Variants in ACACB observed in about 807,000 individuals in gnomAD.
ACACB encodes acetyl-CoA carboxylase beta.
In ACACB, 209 loss-of-function variants were observed where a neutral mutation model predicts 278.8. The observed-to-expected ratio is 0.75, with a 90% confidence interval of 0.67 to 0.84. The LOEUF (loss-of-function observed/expected upper bound fraction) is 0.84. ACACB is among the 40% of genes least tolerant of loss of function. The pLI is 0.00. For synonymous variants in ACACB, 1,174 were observed against 1,285.6 expected, an observed-to-expected ratio of 0.91 and a Z score of 1.86; for missense variants, 2,850 against 3,269.0, an observed-to-expected ratio of 0.87 and a Z score of 3.13.
chr12:109,205,255 C>T (rs1019271651), intron 19 of ACACB, among the ~76,000 whole-genome samples: 1 of 152,200 alleles, frequency 6.6e-6, no homozygotes, highest in Non-Finnish European at 1.5e-5. Context: ...TTTCAGCACA[C>T]ATTTCCTGTG....
intron 19 of ACACB, among the ~76,000 whole-genome samples, chr12:109,206,428 C>CAAAAAAAAAAAAAAAAAA (rs35315851): frequency 1.4e-3 from 122 of 89,654 alleles, no homozygotes; most frequent in Non-Finnish European, 1.7e-3. Flanking sequence ...GCGAGTGTCT[C>CAAAAAAAAAAAAAAAAAA]AAAAAAAAAA....
chr12:109,209,844 C>T (rs1470770780), intron 21 of ACACB, among the ~76,000 whole-genome samples: 1 of 138,834 alleles, frequency 7.2e-6, no homozygotes, highest in South Asian at 2.2e-4. Flanking sequence ...CATACACACA[C>T]GTGTGTATAT....
chr12:109,173,041 G>A (rs773170311), intron 6 of ACACB, among the ~76,000 whole-genome samples: 10 of 152,256 alleles, frequency 6.6e-5, no homozygotes, highest in Middle Eastern at 3.4e-3. Context: ...GCTGGAGGCC[G>A]TTATCCTTAG....
At position 109,227,413 on chromosome 12, in the gene ACACB, C is replaced by T. The variant is rs752614257; in HGVS notation, c.3925C>T (p.Leu1309=). The change falls in exon 28 of 53, where the codon CTG becomes TTG. Residue 1309 remains leucine, a synonymous_variant. Coordinates refer to ENST00000338432, the MANE Select transcript of ACACB (RefSeq NM_001093.4). ...RGYIAYELNS[L]QHRQLPDGTC... is the part of the protein sequence containing the mutation. ...CTACATCGCCTATGAGTTAAACAGCCTGCAGCACCGGCAGCTCCCGGACGG... is the reference window on the plus strand; with the variant it reads ...CTACATCGCCTATGAGTTAAACAGCTTGCAGCACCGGCAGCTCCCGGACGG... 1.2e-6 allele frequency: 2 copies of T among 1,613,656 alleles called. No homozygotes were observed. The highest frequency in any genetic ancestry group is 1.7e-5 in the Admixed American group (1 of 59,950).
rs1025588977 is a variant in ACACB at position 109,245,804 on chromosome 12, T to C, written c.5301+56T>C. 7.7e-5 allele frequency: 123 copies of C among 1,594,764 alleles called. No homozygotes were observed. The African/African-American group carries it at 1.4e-3, about 18-fold the overall frequency. The stretch of plus-strand genomic sequence containing the variant: ...TGGAGTCACCCCCTTAAAAATATTT[T>C]TGGGCCAGGTGCAGTAGCTCACACC... On this transcript the variant is annotated intron_variant, in intron 38 of 52. Coordinates refer to ENST00000338432, the MANE Select transcript of ACACB (RefSeq NM_001093.4).
chr12:109,250,515 CT>C (rs1182357933), intron 41 of ACACB, among the ~76,000 whole-genome samples: 2 of 152,194 alleles, frequency 1.3e-5, no homozygotes, highest in African/African-American at 4.8e-5. Flanking sequence ...CCAATCTCAT[CT>C]TATTTTCAAG....
rs750604068 is a variant in ACACB, at chr12:109,252,067, A to T, written c.5812A>T (p.Ile1938Phe). The T allele has an allele frequency of 9.9e-6, 16 of 1,613,156 alleles. No individual in the cohort carries two copies. In the African/African-American group the frequency reaches 2.0e-4, roughly 20 times the overall value. The stretch of plus-strand genomic sequence containing the variant: ...ACAGGTGACCTGCCGAGCCATTGGG[A>T]TTGGGGCCTACTTGGTGAGGCTGGG... ...ISLVTCRAIG[I>F]GAYLVRLGQR... The change falls in exon 42 of 53, where the codon ATT (isoleucine) becomes TTT (phenylalanine). Residue 1938 changes from isoleucine (I) to phenylalanine (F), a missense_variant. Ile to Phe is a conservative substitution (Grantham distance 21). Coordinates refer to ENST00000338432, the MANE Select transcript of ACACB (RefSeq NM_001093.4).
At chr12:109,243,211 A>G (rs532924507) in intron 37 of ACACB, among the ~76,000 whole-genome samples, 1 of 152,278 alleles carries the variant, frequency 6.6e-6, no homozygotes, top group East Asian at 1.9e-4. Context: ...TTTATTAAGT[A>G]CCTGCTACTT....
At chr12:109,129,167 A>C (rs1192701936) in intron 1 of ACACB, among the ~76,000 whole-genome samples, 1 of 152,178 alleles carries the variant, frequency 6.6e-6, no homozygotes, top group Admixed American at 6.5e-5. Flanking sequence ...AACTCTAAAA[A>C]ACAAGGTAGT....
intron 26 of ACACB, among the ~76,000 whole-genome samples, 156 bp from the exon 27 acceptor site, chr12:109,223,659 G>C (rs2046239388): frequency 1.3e-5 from 2 of 152,192 alleles, no homozygotes; most frequent in Admixed American, 1.3e-4. Flanking sequence ...CTGCTCAAGA[G>C]GTTGAGGTGG....
intron 2 of ACACB, among the ~76,000 whole-genome samples, chr12:109,149,295 G>T (rs140693600): frequency 0.021 from 3,272 of 152,250 alleles, 318 homozygotes; most frequent in Admixed American, 0.16. Flanking sequence ...CCTTTAAGTC[G>T]TATGAGCTTG....
chr12:109,173,470 C>A (rs1193302767), intron 6 of ACACB, among the ~76,000 whole-genome samples: 1 of 152,166 alleles, frequency 6.6e-6, no homozygotes, highest in Non-Finnish European at 1.5e-5. Flanking sequence ...TGCCCATTGA[C>A]GTTTTCTTTG....
At chr12:109,133,870 T>A (rs1384573470) in intron 1 of ACACB, among the ~76,000 whole-genome samples, 239 of 74,250 alleles carry the variant, frequency 3.2e-3, no homozygotes, top group Admixed American at 5.2e-3. Context: ...TATATTTTTT[T>A]TTTTTTTTTT....
Position 109,168,013 on chromosome 12 carries a change from G to A in ACACB, c.904G>A (p.Glu302Lys), listed in dbSNP as rs763571331. The A allele has an allele frequency of 1.1e-5, 17 of 1,612,578 alleles. No individual in the cohort carries two copies. The highest frequency in any genetic ancestry group is 4.0e-5 in the African/African-American group (3 of 74,864). ...CCGGTTTGTTGTGATGGTGACCCCCGAGGACCTTAAGGCCAACGCAGGTAC... is the reference window on the plus strand; with the variant it reads ...CCGGTTTGTTGTGATGGTGACCCCCAAGGACCTTAAGGCCAACGCAGGTAC... ...AIRFVVMVTP[E>K]DLKANAEYIK... Residue 302 changes from glutamate (E) to lysine (K), a missense_variant, in exon 4 of 53, where the codon GAG becomes AAG. Glu to Lys is a moderately conservative substitution (Grantham distance 56). Around this residue, in one of 3 missense-constraint regions of ACACB, gnomAD observed 2,265 missense variants for 2,561.3 expected, o/e 0.88. Transcript: ENST00000338432.
intron 21 of ACACB, among the ~76,000 whole-genome samples, chr12:109,210,610 ATAT>A (rs973892520): frequency 6.7e-6 from 1 of 149,798 alleles, no homozygotes; most frequent in African/African-American, 2.4e-5. Flanking sequence ...TATATATATA[ATAT>A]TTTTTAAGAA....
upstream of ACACB, among the ~76,000 whole-genome samples, chr12:109,115,791 C>T (rs1441831419): frequency 9.9e-5 from 15 of 152,250 alleles, no homozygotes; most frequent in Admixed American, 3.3e-4. Flanking sequence ...TCCATTTAAA[C>T]CATTTTGCAC....
At chr12:109,149,663 GGA>G (rs1338588005) in intron 2 of ACACB, among the ~76,000 whole-genome samples, 7 of 152,168 alleles carry the variant, frequency 4.6e-5, no homozygotes, top group Non-Finnish European at 5.9e-5. Flanking sequence ...GCAAGAGAGA[GGA>G]CACACTAAGG....
chr12:109,222,646 C>T (rs750950923), intron 25 of ACACB, 26 bp downstream of exon 25: 34 of 1,590,892 alleles, frequency 2.1e-5, no homozygotes, highest in East Asian at 1.8e-4. Flanking sequence ...GCGGTCCCCA[C>T]GATGTGCGTT....
At chr12:109,255,235 G>A (rs2047195787) in intron 44 of ACACB, among the ~76,000 whole-genome samples, 1 of 152,176 alleles carries the variant, frequency 6.6e-6, no homozygotes, top group Non-Finnish European at 1.5e-5. Context: ...TGAGCAACCA[G>A]AACACAACAG....
Sources: gnomAD v4.1 joint callset for allele counts (sites outside exome capture counted in the v4.1 genomes callset) on GRCh38, gnomAD v4.1.1 for gene constraint, gnomAD v4.1.1 regional missense constraint, MANE v1.5 for transcripts, NCBI Gene and HGNC (gene_info 2026-07-23, HGNC 2026-07-21) for gene names.